Variants in NCS1 observed in about 807,000 individuals in gnomAD.
NCS1 encodes neuronal calcium sensor 1, also known as frequenin homolog.
In NCS1, 6 loss-of-function variants were observed where a neutral mutation model predicts 28.4. The ratio of observed to expected loss-of-function variants is 0.21; its 90% confidence interval spans 0.12 to 0.42. The LOEUF (loss-of-function observed/expected upper bound fraction) is 0.42, where lower values mean the gene tolerates loss of function less well. NCS1 is among the 10% of genes least tolerant of loss of function. The probability of loss-of-function intolerance (pLI) is 1.00; values close to 1 mark genes in which losing one functional copy is unlikely to be tolerated. For missense variants in NCS1, 131 were observed against 241.4 expected, an observed-to-expected ratio of 0.54 and a Z score of 3.03; for synonymous variants, 86 against 99.3, an observed-to-expected ratio of 0.87 and a Z score of 0.79.
intron 1 of NCS1, among the ~76,000 whole-genome samples, chr9:130,196,346 A>G (rs1832878177): frequency 6.6e-6 from 1 of 152,230 alleles, no homozygotes; most frequent in African/African-American, 2.4e-5. Context: ...GCTCTGCTGC[A>G]TCTGTCCCCT....
chr9:130,223,527 TTTAAAA>T (rs1226746423), intron 6 of NCS1, among the ~76,000 whole-genome samples: 2 of 152,230 alleles, frequency 1.3e-5, no homozygotes, highest in African/African-American at 4.8e-5. Flanking sequence ...GTCAGAGTAT[TTTAAAA>T]AAAGAATCTG....
At chr9:130,174,790 C>CA (rs34473694) in intron 1 of NCS1, among the ~76,000 whole-genome samples, 41,669 of 91,886 alleles carry the variant, frequency 0.45, 9,895 homozygotes, top group Non-Finnish European at 0.54. Context: ...ACTCTGTCTC[C>CA]AAAAAAAAAA....
At chr9:130,223,052 G>T (rs1833355991) in intron 5 of NCS1, 30 bp from the exon 6 acceptor site, 2 of 1,600,370 alleles carry the variant, frequency 1.2e-6, no homozygotes, top group Non-Finnish European at 1.7e-6. Context: ...AGAGTGCCAG[G>T]GCCCACCCCC....
intron 1 of NCS1, among the ~76,000 whole-genome samples, chr9:130,194,218 A>G (rs1832849660): frequency 6.6e-6 from 1 of 152,196 alleles, no homozygotes; most frequent in African/African-American, 2.4e-5. Flanking sequence ...ATCAGACTTA[A>G]CATCCTCCTG....
At chr9:130,204,748 C>T (rs1036963987) in intron 2 of NCS1, among the ~76,000 whole-genome samples, 1 of 152,194 alleles carries the variant, frequency 6.6e-6, no homozygotes, top group Admixed American at 6.5e-5. Flanking sequence ...TCACATAAGA[C>T]GTTTGGAACA....
At chr9:130,198,319 G>T (rs184366082) in intron 1 of NCS1, among the ~76,000 whole-genome samples, 17 of 152,154 alleles carry the variant, frequency 1.1e-4, no homozygotes, top group Admixed American at 9.8e-4. Flanking sequence ...AGACATGGGT[G>T]GGGGGTGTCA....
At chr9:130,188,967 T>C (rs1345513148) in intron 1 of NCS1, among the ~76,000 whole-genome samples, 1 of 152,144 alleles carries the variant, frequency 6.6e-6, no homozygotes, top group Non-Finnish European at 1.5e-5. Flanking sequence ...TCCGCCCGTC[T>C]TGGTCTCCCA....
At chr9:130,199,907 T>C (rs1832919831) in intron 1 of NCS1, among the ~76,000 whole-genome samples, 1 of 152,084 alleles carries the variant, frequency 6.6e-6, no homozygotes, top group African/African-American at 2.4e-5. Flanking sequence ...GTTCATTCAT[T>C]CATTCATTCA....
rs1460826663 is a variant in NCS1 at position 130,235,192 on chromosome 9, T to C, written c.*2220T>C. ...CACCTTCACAGGCCACTTTGAAGGGTGGATTCTTTGAGGCCCCTGCCAGTC... is the reference window on the plus strand; with the variant it reads ...CACCTTCACAGGCCACTTTGAAGGGCGGATTCTTTGAGGCCCCTGCCAGTC... On this transcript the variant is annotated 3_prime_UTR_variant, in exon 8 of 8. Transcript: ENST00000372398. The C allele has an allele frequency of 1.3e-5, 2 of 150,632 alleles. No homozygotes were observed. Among genetic ancestry groups the C allele is most frequent in the Admixed American group, 1.3e-4 (2 of 15,164 alleles). The allele number at this position is 150,632 out of a possible 1,614,324, so 9.3% of individuals were successfully genotyped here.
At chr9:130,227,492 G>A (rs1833432574) in intron 7 of NCS1, among the ~76,000 whole-genome samples, 1 of 152,216 alleles carries the variant, frequency 6.6e-6, no homozygotes, top group Non-Finnish European at 1.5e-5. Context: ...TTTCCAAAGT[G>A]GTTGTGCTGT....
At position 130,226,596 on chromosome 9, in the gene NCS1, T is replaced by C. The variant is rs1191359713; in HGVS notation, c.*17+92T>C. 13 of 916,996 alleles carry C rather than the reference T, an allele frequency of 1.4e-5. No homozygotes were observed. The highest frequency in any genetic ancestry group is 2.7e-5 in the East Asian group (1 of 37,316). The allele number at this position is 916,996 out of a possible 1,614,324, so 56.8% of individuals were successfully genotyped here. The stretch of plus-strand genomic sequence containing the variant: ...CACCTACGGTTGGCAGGTAATTACC[T>C]GGGTCTCTGGGGGTGTTGTGGTCAG... On this transcript the variant is annotated intron_variant, in intron 7 of 7. Coordinates refer to ENST00000372398, the MANE Select transcript of NCS1 (RefSeq NM_014286.4). This position sits in a 1 kb window ranked among gnomAD's most constrained non-coding sequence, Gnocchi z 4.8.
At position 130,235,568 on chromosome 9, in the gene NCS1, A is replaced by G. The variant is rs1259652444; in HGVS notation, c.*2596A>G. ...CAGGTGTGGCTTCTGGCCTTAGCAG[A>G]TGGTATGCTTGCGGACCGCAGCCCA... On this transcript the variant is annotated 3_prime_UTR_variant, in exon 8 of 8. Coordinates refer to ENST00000372398, the MANE Select transcript of NCS1 (RefSeq NM_014286.4). 6.6e-6 allele frequency: 1 copy of G among 152,282 alleles called. No homozygotes were observed. Among genetic ancestry groups the G allele is most frequent in the Non-Finnish European group, 1.5e-5 (1 of 68,138 alleles). 9.4% of individuals were successfully genotyped at this position (152,282 alleles called of 1,614,324 possible).
At chr9:130,179,996 TATCTATC>T (rs1417039514) in intron 1 of NCS1, among the ~76,000 whole-genome samples, 1 of 74 alleles carries the variant, frequency 0.014, no homozygotes, top group African/African-American at 0.042. Flanking sequence ...GCCTTCTTTT[TATCTATC>T]TATCTATCTA....
At chr9:130,184,073 G>A (rs1290241706) in intron 1 of NCS1, among the ~76,000 whole-genome samples, 2 of 152,038 alleles carry the variant, frequency 1.3e-5, no homozygotes, top group African/African-American at 2.4e-5. Context: ...GCCTCCCAAA[G>A]TGCTGGGATT....
At chr9:130,203,867 TC>T (rs1334374438) in intron 2 of NCS1, among the ~76,000 whole-genome samples, 1 of 151,966 alleles carries the variant, frequency 6.6e-6, no homozygotes, top group African/African-American at 2.4e-5. Flanking sequence ...CTGCCTGAGT[TC>T]CCCCCGGCGT....
chr9:130,215,940 C>G lies in NCS1; in HGVS notation c.90-1892C>G, dbSNP rs548452853. The stretch of plus-strand genomic sequence containing the variant: ...CTGCTCCCTCTTCTCTGCCCTCCCC[C>G]ATCCTCCTCCTCCCCTCAACCGCCC... On this transcript the variant is annotated intron_variant, in intron 2 of 7. Transcript: ENST00000372398. The surrounding 1 kb of genome is among the most constrained non-coding windows in gnomAD (Gnocchi z 4.2). Among the ~76,000 whole-genome samples the G allele has an allele frequency of 1.4e-4, 22 of 152,236 alleles. No homozygotes were observed. In the East Asian group the frequency reaches 4.1e-3, roughly 28 times the overall value.
At position 130,175,670 on chromosome 9, in the gene NCS1, T is replaced by A; in HGVS notation, c.64+2943T>A. Among the ~76,000 whole-genome samples, 1 of 152,096 alleles carries A rather than the reference T, an allele frequency of 6.6e-6. No homozygotes were observed. The highest frequency in any genetic ancestry group is 1.9e-4 in the East Asian group (1 of 5,202). ...TCCTTGGTGGGCGTCTCTGGCTCTG[T>A]CTGTGGTGGTCTGTGTGTGTGAGGA... On this transcript the variant is annotated intron_variant, in intron 1 of 7. Coordinates refer to ENST00000372398, the MANE Select transcript of NCS1 (RefSeq NM_014286.4). The surrounding 1 kb of genome is among the most constrained non-coding windows in gnomAD (Gnocchi z 4.9).
Position 130,236,364 on chromosome 9 carries a change from A to G in NCS1, c.*3392A>G, listed in dbSNP as rs1385052903. 6.6e-6 allele frequency: 1 copy of G among 151,804 alleles called. No individual in the cohort carries two copies. Among genetic ancestry groups the G allele is most frequent in the Non-Finnish European group, 1.5e-5 (1 of 67,950 alleles). The allele number at this position is 151,804 out of a possible 1,614,324, so 9.4% of individuals were successfully genotyped here. A position where few individuals can be genotyped will look rare whatever the true frequency, so the allele number is the denominator to read the frequency against. The stretch of plus-strand genomic sequence containing the variant: ...GCCGCCAACGCACCTGGGGGCTGCA[A>G]CCCCACCGGACGGGTGGTCCGGAGG... On this transcript the variant is annotated 3_prime_UTR_variant, in exon 8 of 8. Coordinates refer to ENST00000372398, the MANE Select transcript of NCS1 (RefSeq NM_014286.4).
rs530179240 is a variant in NCS1 at position 130,215,880 on chromosome 9, T to C, written c.90-1952T>C. Reference sequence around the variant, plus strand: ...TGGGACGGTCATGTGCCCGCTATGGTCTGACTCAAGAAGAACTGCCCTCCC... The same window carrying C: ...TGGGACGGTCATGTGCCCGCTATGGCCTGACTCAAGAAGAACTGCCCTCCC... On this transcript the variant is annotated intron_variant, in intron 2 of 7. Transcript: ENST00000372398. The surrounding 1 kb of genome is among the most constrained non-coding windows in gnomAD (Gnocchi z 4.2). Among the ~76,000 whole-genome samples, 1 of 152,088 alleles carries C rather than the reference T, an allele frequency of 6.6e-6. No individual in the cohort carries two copies. Among genetic ancestry groups the C allele is most frequent in the South Asian group, 2.1e-4 (1 of 4,808 alleles).
Sources: allele counts gnomAD v4.1 joint callset (sites outside exome capture counted in the v4.1 genomes callset), GRCh38; gene constraint gnomAD v4.1.1; non-coding constraint Gnocchi (gnomAD v3.1); transcripts MANE v1.5; gene names NCBI Gene and HGNC (gene_info 2026-07-23, HGNC 2026-07-21).